The following IL31RA variants were observed in gnomAD, a reference collection of about 807,000 sequenced individuals.
IL31RA encodes interleukin 31 receptor A, also known as interleukin-31 receptor subunit alpha.
A neutral mutation model predicts 83.7 loss-of-function variants in IL31RA; 66 were observed. That is an observed-to-expected ratio of 0.79 (90% CI 0.65 to 0.97). The LOEUF is 0.97. IL31RA is among the 50% of genes least tolerant of loss of function. The pLI is 0.00. For synonymous variants in IL31RA, 325 were observed against 329.0 expected, an observed-to-expected ratio of 0.99 and a Z score of 0.13; for missense variants, 798 against 919.4, an observed-to-expected ratio of 0.87 and a Z score of 1.71.
intron 5 of IL31RA, among the ~76,000 whole-genome samples, chr5:55,884,078 T>C (rs1747433120): frequency 6.6e-6 from 1 of 152,234 alleles, no homozygotes; most frequent in Admixed American, 6.5e-5. Context: ...TTGGATTCCT[T>C]CTTCTGGAAG....
intron 11 of IL31RA, chr5:55,908,871 A>C: frequency 7.7e-7 from 1 of 1,303,312 alleles, no homozygotes. Context: ...TAGGCTAAAT[A>C]ATTTTTTCTT....
Position 55,896,395 on chromosome 5 carries a change from C to A in IL31RA, c.818C>A (p.Ala273Glu), listed in dbSNP as rs371988926. ...TGGAGAGTCCTGAAACCAGCTGAGGCGGATGGAAGAAGGCCAGTGCGGTTG... is the reference window on the plus strand; with the variant it reads ...TGGAGAGTCCTGAAACCAGCTGAGGAGGATGGAAGAAGGCCAGTGCGGTTG... ...ELWRVLKPAEADGRRPVRLLW... is the reference protein window; with the variant it reads ...ELWRVLKPAEEDGRRPVRLLW... Residue 273 changes from alanine (A) to glutamate (E), a missense_variant, in exon 7 of 15, where the codon GCG (alanine) becomes GAG (glutamate). By Grantham distance (107) the Ala-to-Glu change is moderately radical. Coordinates refer to ENST00000652347, the MANE Select transcript of IL31RA (RefSeq NM_139017.7). The A allele has an allele frequency of 6.2e-6, 10 of 1,613,530 alleles. No individual in the cohort carries two copies. The highest frequency in any genetic ancestry group is 8.5e-6 in the Non-Finnish European group (10 of 1,179,654).
At chr5:55,913,931 T>C (rs1339383856) in intron 13 of IL31RA, among the ~76,000 whole-genome samples, 1 of 152,194 alleles carries the variant, frequency 6.6e-6, no homozygotes, top group Non-Finnish European at 1.5e-5. Flanking sequence ...CAAGAGGCCT[T>C]CTTGCGAGCT....
At chr5:55,877,840 G>A (rs890872855) in intron 4 of IL31RA, among the ~76,000 whole-genome samples, 2 of 152,082 alleles carry the variant, frequency 1.3e-5, no homozygotes, top group Admixed American at 6.6e-5. Context: ...TATTCACTGG[G>A]ATTCTTGGAT....
chr5:55,905,225 GAAAGAA>G (rs1189528464), intron 8 of IL31RA, among the ~76,000 whole-genome samples: 11 of 150,682 alleles, frequency 7.3e-5, no homozygotes, highest in African/African-American at 1.5e-4. Context: ...AAGAAAGAAA[GAAAGAA>G]AAAGAAAAAG....
intron 4 of IL31RA, among the ~76,000 whole-genome samples, chr5:55,880,391 G>T (rs1035963333): frequency 4.6e-5 from 7 of 152,092 alleles, no homozygotes; most frequent in African/African-American, 1.7e-4. Context: ...TCTCCATGAT[G>T]TGATTATTTT....
chr5:55,870,559 C>G (rs1373294944), intron 3 of IL31RA, among the ~76,000 whole-genome samples: 2 of 152,052 alleles, frequency 1.3e-5, no homozygotes, highest in African/African-American at 4.8e-5. Context: ...CCCTCTTCCT[C>G]CATCTTTCCC....
At position 55,922,210 on chromosome 5, in the gene IL31RA, T is replaced by C. The variant is rs1336909584; in HGVS notation, c.*5090T>C. Reference sequence around the variant, plus strand: ...AGAGACCCCAGGCCACAATAGCCCTTGACACAGAGCTCTATGCAGGGCTGT... The same window carrying C: ...AGAGACCCCAGGCCACAATAGCCCTCGACACAGAGCTCTATGCAGGGCTGT... On this transcript the variant is annotated 3_prime_UTR_variant, in exon 15 of 15. Transcript: ENST00000652347. Among the ~76,000 whole-genome samples the C allele has an allele frequency of 1.3e-5, 2 of 151,946 alleles. No individual in the cohort carries two copies. The highest frequency in any genetic ancestry group is 2.9e-5 in the Non-Finnish European group (2 of 67,988).
At chr5:55,872,159 T>G (rs1413337099) in intron 3 of IL31RA, 111 bp from the exon 4 acceptor site, 2 of 806,008 alleles carry the variant, frequency 2.5e-6, no homozygotes, top group Non-Finnish European at 4.2e-6. Flanking sequence ...ACTATACAGT[T>G]CTCAAGAAAA....
chr5:55,900,163 G>T (rs775914844), intron 8 of IL31RA, 31 bp downstream of exon 8: 1 of 1,498,716 alleles, frequency 6.7e-7, no homozygotes, highest in Non-Finnish European at 9.3e-7. Context: ...TTCCTTAGGT[G>T]CCTGGTCCCA....
In IL31RA at chr5:55,878,351, G is replaced by C. The variant is rs528777627; in HGVS notation, c.455-4693G>C. ...ATTCTGATGGCTGGGCTTCCTCAAG[G>C]ACAGTTTCTGTGGATTTGTTTTGTT... On this transcript the variant is annotated intron_variant, in intron 4 of 14. Coordinates refer to ENST00000652347, the MANE Select transcript of IL31RA (RefSeq NM_139017.7). Among the ~76,000 whole-genome samples, 985 of 152,252 alleles carry C rather than the reference G, an allele frequency of 6.5e-3. 18 individuals carry two copies. The highest frequency in any genetic ancestry group is 0.023 in the African/African-American group (964 of 41,548).
chr5:55,852,815 C>A (rs572330152), intron 1 of IL31RA, among the ~76,000 whole-genome samples: 6 of 152,294 alleles, frequency 3.9e-5, no homozygotes, highest in African/African-American at 1.4e-4. Flanking sequence ...TTGGCTCCAC[C>A]ACCCATGTAG....
chr5:55,874,582 G>A (rs1409907003), intron 4 of IL31RA, among the ~76,000 whole-genome samples: 1 of 152,018 alleles, frequency 6.6e-6, no homozygotes, highest in Non-Finnish European at 1.5e-5. Flanking sequence ...TGCAGAAGTT[G>A]TACATTTCTT....
chr5:55,914,561 C>T (rs181683241), intron 13 of IL31RA, among the ~76,000 whole-genome samples: 3 of 152,284 alleles, frequency 2.0e-5, no homozygotes, highest in African/African-American at 4.8e-5. Flanking sequence ...GTGCAATTTA[C>T]AGCATTGGGA....
chr5:55,915,157 C>T (rs1144496), intron 14 of IL31RA, among the ~76,000 whole-genome samples: 82,210 of 151,900 alleles, frequency 0.54, 22,678 homozygotes, highest in East Asian at 0.81. Flanking sequence ...CTCATGAGGA[C>T]CCAGTGCGTT....
rs920179767 is a variant in IL31RA, at chr5:55,920,817, C to T, written c.*3697C>T. ...ACCAGCCCTCCTAAATTCCTGTCCC[C>T]TTCCCATAGCTAAGGTCGAGAGTTG... On this transcript the variant is annotated 3_prime_UTR_variant, in exon 15 of 15. Coordinates refer to ENST00000652347, the MANE Select transcript of IL31RA (RefSeq NM_139017.7). Among the ~76,000 whole-genome samples the T allele has an allele frequency of 2.0e-5, 3 of 152,224 alleles. No individual in the cohort carries two copies. Among genetic ancestry groups the T allele is most frequent in the African/African-American group, 7.2e-5 (3 of 41,464 alleles).
intron 8 of IL31RA, among the ~76,000 whole-genome samples, chr5:55,902,695 C>T (rs1030962505): frequency 6.6e-6 from 1 of 152,054 alleles, no homozygotes; most frequent in African/African-American, 2.4e-5. Flanking sequence ...GTGGAGGCAA[C>T]TGGAGAATGA....
intron 5 of IL31RA, among the ~76,000 whole-genome samples, chr5:55,885,872 A>T (rs1055682524): frequency 3.9e-5 from 6 of 152,120 alleles, no homozygotes; most frequent in Non-Finnish European, 8.8e-5. Flanking sequence ...TCCTCTTCAT[A>T]CCACATGTCA....
Position 55,905,220 on chromosome 5 carries a change from A to G in IL31RA, c.1070-886A>G, listed in dbSNP as rs143726735. On this transcript the variant is annotated intron_variant, in intron 8 of 14. Coordinates refer to ENST00000652347, the MANE Select transcript of IL31RA (RefSeq NM_139017.7). ...TGCCTCAAAAAAAAAAAAAAAAGAA[A>G]GAAAGAAAGAAAAAGAAAAAGAAAC... Among the ~76,000 whole-genome samples the G allele has an allele frequency of 5.1e-3, 773 of 151,514 alleles. 10 individuals are homozygous for G. The highest frequency in any genetic ancestry group is 0.018 in the African/African-American group (748 of 41,338).
Sources: allele counts gnomAD v4.1 joint callset (sites outside exome capture counted in the v4.1 genomes callset), GRCh38; gene constraint gnomAD v4.1.1; transcripts MANE v1.5; gene names NCBI Gene and HGNC (gene_info 2026-07-23, HGNC 2026-07-21).